The following DDX21 variants were observed in gnomAD, a reference collection of about 807,000 sequenced individuals.
The protein encoded by DDX21 is nucleolar RNA helicase 2.
A neutral mutation model predicts 90.0 loss-of-function variants in DDX21; 18 were observed. That is an observed-to-expected ratio of 0.20 (90% CI 0.14 to 0.30). The LOEUF (loss-of-function observed/expected upper bound fraction) is 0.30, where lower values mean the gene tolerates loss of function less well. Among genes scored for constraint, DDX21 ranks in the 10% least tolerant of loss-of-function variants. The probability of loss-of-function intolerance (pLI) is 1.00; values close to 1 mark genes in which losing one functional copy is unlikely to be tolerated. For synonymous variants in DDX21, 294 were observed against 318.0 expected (o/e 0.92, Z 0.80); for missense variants, 673 against 944.5 (o/e 0.71, Z 3.77).
intron 6 of DDX21, among the ~76,000 whole-genome samples, chr10:68,967,473 G>A (rs1366151815): frequency 6.6e-6 from 1 of 151,924 alleles, no homozygotes; most frequent in Non-Finnish European, 1.5e-5. Context: ...CTGGCCTGGT[G>A]ACTAAGTAGT....
Position 68,957,144 on chromosome 10 carries a change from C to T in DDX21, c.87+832C>T, listed in dbSNP as rs74572752. On this transcript the variant is annotated intron_variant, in intron 1 of 14. Coordinates refer to ENST00000354185, the MANE Select transcript of DDX21 (RefSeq NM_004728.4). Reference sequence around the variant, plus strand: ...CGTCTTTAGTGACTTTTTAAACTCTCGTAAGGGAAGTAGAGTTTGTTTTCC... The same window carrying T: ...CGTCTTTAGTGACTTTTTAAACTCTTGTAAGGGAAGTAGAGTTTGTTTTCC... 4.6e-4 allele frequency among the ~76,000 whole-genome samples: 70 copies of T among 152,150 alleles called. No individual in the cohort carries two copies. In the East Asian group the frequency reaches 8.9e-3, roughly 19 times the overall value.
At position 68,973,542 on chromosome 10, in the gene DDX21, T is replaced by C. The variant is rs371075073; in HGVS notation, c.1549-3T>C. On this transcript the variant is annotated splice_polypyrimidine_tract_variant and splice_region_variant and intron_variant, in intron 9 of 14. Coordinates refer to ENST00000354185, the MANE Select transcript of DDX21 (RefSeq NM_004728.4). ...GTGTTACTCATGTATTTTACTTCAA[T>C]AGGATGTAGAGTCCTACATTCATCG... is the stretch of plus-strand genomic sequence containing the variant. 2 of 1,613,838 alleles carry C rather than the reference T, an allele frequency of 1.2e-6. No homozygotes were observed. The highest frequency in any genetic ancestry group is 1.7e-6 in the Non-Finnish European group (2 of 1,179,908).
At chr10:68,981,639 T>C in intron 14 of DDX21, 58 bp downstream of exon 14, 4 of 1,349,662 alleles carry the variant, frequency 3.0e-6, no homozygotes, top group East Asian at 4.6e-5. Flanking sequence ...ATGTTAATTA[T>C]GAAAATAGAG....
chr10:68,959,140 T>C (rs1180785960), intron 1 of DDX21, among the ~76,000 whole-genome samples: 2 of 152,208 alleles, frequency 1.3e-5, no homozygotes, highest in Non-Finnish European at 2.9e-5. Context: ...ATTTGGACTT[T>C]TTATAGTATT....
At chr10:68,978,481 A>G (rs1843138685) in intron 12 of DDX21, among the ~76,000 whole-genome samples, 1 of 152,240 alleles carries the variant, frequency 6.6e-6, no homozygotes, top group African/African-American at 2.4e-5. Flanking sequence ...TAGAAACTTT[A>G]GAAGGTGTAT....
intron 12 of DDX21, 61 bp downstream of exon 12, chr10:68,977,749 G>C: frequency 6.8e-7 from 1 of 1,469,512 alleles, no homozygotes; most frequent in Non-Finnish European, 9.2e-7. Flanking sequence ...GGATATGAAA[G>C]GGTTTCATTT....
In DDX21 at chr10:68,960,158, G is replaced by T; in HGVS notation, c.440G>T (p.Ser147Ile). 6.2e-7 allele frequency: 1 copy of T among 1,614,174 alleles called. No individual in the cohort carries two copies. Among genetic ancestry groups the T allele is most frequent in the Non-Finnish European group, 8.5e-7 (1 of 1,180,018 alleles). The change falls in exon 2 of 15, where the codon AGC (serine) becomes ATC (isoleucine). Residue 147 changes from serine (S) to isoleucine (I), a missense_variant. Physicochemically the swap from Ser to Ile is moderately radical, Grantham distance 142 (BLOSUM62 -2). This residue lies in a region of DDX21 where 204 missense variants were observed against 221.6 expected (regional missense o/e 0.92). Coordinates refer to ENST00000354185, the MANE Select transcript of DDX21 (RefSeq NM_004728.4). ...ATGAATGGAGAAACTAGAGAGAAAA[G>T]CCCCAAACTGAAGAATGGATTTCCT... The part of the protein sequence containing the change: ...KEMNGETREK[S>I]PKLKNGFPHP...
At chr10:68,975,633 GTT>G (rs1488912629) in intron 11 of DDX21, among the ~76,000 whole-genome samples, 1 of 152,226 alleles carries the variant, frequency 6.6e-6, no homozygotes, top group Non-Finnish European at 1.5e-5. Flanking sequence ...GTTCAGGAAA[GTT>G]TTGTTAATGA....
At chr10:68,958,749 T>C (rs1564624461) in intron 1 of DDX21, among the ~76,000 whole-genome samples, 1 of 152,152 alleles carries the variant, frequency 6.6e-6, no homozygotes, top group South Asian at 2.1e-4. Flanking sequence ...AATTTTAAAC[T>C]TTTTCAATAG....
In DDX21 at chr10:68,984,534, A is replaced by C. The variant is rs1179822080; in HGVS notation, c.*1722A>C. 2 of 152,188 alleles carry C rather than the reference A, an allele frequency of 1.3e-5. No individual in the cohort carries two copies. The highest frequency in any genetic ancestry group is 3.9e-4 in the East Asian group (2 of 5,194). The allele number at this position is 152,188 out of a possible 1,614,324, so 9.4% of individuals were successfully genotyped here. On this transcript the variant is annotated 3_prime_UTR_variant, in exon 15 of 15. Transcript: ENST00000354185. The stretch of plus-strand genomic sequence containing the variant: ...CATCAAGCCATGGGTATTAGGTGAC[A>C]GTGTAATTTATTAGATTCTGGTTTT...
intron 1 of DDX21, among the ~76,000 whole-genome samples, chr10:68,956,954 ATTGC>A (rs2132076352): frequency 6.6e-6 from 1 of 151,602 alleles, no homozygotes; most frequent in Admixed American, 6.6e-5. Context: ...AGGCAGGAGA[ATTGC>A]TTGAACCCGG....
At chr10:68,970,101 G>C in intron 7 of DDX21, 100 bp from the exon 8 acceptor site, 1 of 1,161,866 alleles carries the variant, frequency 8.6e-7, no homozygotes, top group South Asian at 1.6e-5. Context: ...CCAGGAGCAA[G>C]ACATTAGAAC....
At chr10:68,979,029 AAC>A in intron 13 of DDX21, 53 bp downstream of exon 13, 1 of 1,608,960 alleles carries the variant, frequency 6.2e-7, no homozygotes, top group Non-Finnish European at 8.5e-7. Flanking sequence ...TGGGCAGGAA[AAC>A]AGTGTGGTGT....
chr10:68,957,041 C>CA (rs34149138), intron 1 of DDX21, among the ~76,000 whole-genome samples: 37,035 of 138,070 alleles, frequency 0.27, 5,008 homozygotes, highest in East Asian at 0.52. Context: ...AACTCCATCT[C>CA]AAAAAAAAAA....
chr10:68,974,759 C>G lies in DDX21; in HGVS notation c.1742+16C>G, dbSNP rs764965147. On this transcript the variant is annotated intron_variant, in intron 11 of 14. Coordinates refer to ENST00000354185, the MANE Select transcript of DDX21 (RefSeq NM_004728.4). Reference sequence around the variant, plus strand: ...ATGCCATCAGGTATGTTCCCTACCACTGCTATGGTCTGTTTTAGTGTTGGT... The same window carrying G: ...ATGCCATCAGGTATGTTCCCTACCAGTGCTATGGTCTGTTTTAGTGTTGGT... 38 of 1,601,544 alleles carry G rather than the reference C, an allele frequency of 2.4e-5. No individual in the cohort carries two copies. Among genetic ancestry groups the G allele is most frequent in the Non-Finnish European group, 3.1e-5 (36 of 1,169,266 alleles).
chr10:68,964,922 T>A (rs139145693), intron 4 of DDX21, among the ~76,000 whole-genome samples: 80 of 152,300 alleles, frequency 5.3e-4, no homozygotes, highest in African/African-American at 1.9e-3. Flanking sequence ...ATTATAGGCA[T>A]GAGCCATTGC....
chr10:68,980,450 A>G (rs1012482425), intron 13 of DDX21, among the ~76,000 whole-genome samples: 2 of 152,164 alleles, frequency 1.3e-5, no homozygotes, highest in Admixed American at 6.5e-5. Flanking sequence ...ACTGTTTTCT[A>G]ATTACCTCTA....
At chr10:68,965,231 A>T in intron 4 of DDX21, 146 bp from the exon 5 acceptor site, 1 of 572,772 alleles carries the variant, frequency 1.7e-6, no homozygotes, top group Non-Finnish European at 3.0e-6. Flanking sequence ...CAGATCTATT[A>T]GACAAAAATA....
intron 9 of DDX21, 62 bp from the exon 10 acceptor site, chr10:68,973,483 G>A: frequency 6.3e-7 from 1 of 1,594,032 alleles, no homozygotes; most frequent in Middle Eastern, 1.7e-4. Flanking sequence ...ACCTGCATAG[G>A]CTACTCAGGT....
Sources: gnomAD v4.1 joint callset for allele counts (sites outside exome capture counted in the v4.1 genomes callset) on GRCh38, gnomAD v4.1.1 for gene constraint, gnomAD v4.1.1 regional missense constraint, MANE v1.5 for transcripts, NCBI Gene and HGNC (gene_info 2026-07-23, HGNC 2026-07-21) for gene names.